Variants in CLVS1 observed in about 807,000 individuals in gnomAD.
The protein encoded by CLVS1 is clavesin-1.
Under a neutral mutation model 33.1 loss-of-function variants are expected in CLVS1, and 10 were observed. That is an observed-to-expected ratio of 0.30 (90% CI 0.19 to 0.51). CLVS1 has a LOEUF of 0.51. CLVS1 is among the 20% of genes least tolerant of loss of function. CLVS1 has a pLI of 0.97. For synonymous variants in CLVS1, 163 were observed against 166.1 expected, an observed-to-expected ratio of 0.98 and a Z score of 0.14; for missense variants, 343 against 433.4, an observed-to-expected ratio of 0.79 and a Z score of 1.85.
intron 2 of CLVS1, among the ~76,000 whole-genome samples, chr8:61,373,538 G>A (rs909487883): frequency 6.6e-6 from 1 of 152,138 alleles, no homozygotes; most frequent in African/African-American, 2.4e-5. Context: ...GAAAAGATGT[G>A]CCAGCTTGTA....
At chr8:60,990,039 C>T in the CLVS1 span, among the ~76,000 whole-genome samples, 42 of 145,516 alleles carry the variant, frequency 2.9e-4, 1 homozygote, top group Admixed American at 7.2e-4. Flanking sequence ...GCAGGAGAAT[C>T]GCTTGAACCC....
intron 2 of CLVS1, among the ~76,000 whole-genome samples, chr8:61,358,333 C>A: frequency 6.6e-6 from 1 of 152,188 alleles, no homozygotes. Flanking sequence ...ACACTGTGTG[C>A]AAACACACAC....
upstream of CLVS1, among the ~76,000 whole-genome samples, chr8:61,283,072 C>A (rs1221784134): frequency 2.6e-5 from 4 of 152,158 alleles, no homozygotes; most frequent in African/African-American, 7.2e-5. Context: ...GAAAACATGT[C>A]TTTACTGTAG....
chr8:61,202,089 G>A (rs1807745335), intron 2 of CLVS1, among the ~76,000 whole-genome samples: 1 of 152,212 alleles, frequency 6.6e-6, no homozygotes, highest in Non-Finnish European at 1.5e-5. Context: ...GGAATGCTGA[G>A]AAAGGTAAAA....
At chr8:61,000,675 G>A in the CLVS1 span, among the ~76,000 whole-genome samples, 1 of 152,176 alleles carries the variant, frequency 6.6e-6, no homozygotes, top group African/African-American at 2.4e-5. Flanking sequence ...AATTTCCAAT[G>A]GTAAATTCCA....
At chr8:61,027,925 C>T in the CLVS1 span, among the ~76,000 whole-genome samples, 8 of 152,098 alleles carry the variant, frequency 5.3e-5, no homozygotes, top group African/African-American at 9.7e-5. Flanking sequence ...ATTGGTGAAT[C>T]GACCACTCTG....
chr8:61,201,166 A>G (rs990126268), intron 2 of CLVS1, among the ~76,000 whole-genome samples: 5 of 152,226 alleles, frequency 3.3e-5, no homozygotes, highest in African/African-American at 4.8e-5. Context: ...AAAGTTTTGT[A>G]ATAGAACCAT....
At chr8:61,088,078 CTATATG>C (rs1256366985) in intron 1 of CLVS1, among the ~76,000 whole-genome samples, 3 of 152,196 alleles carry the variant, frequency 2.0e-5, no homozygotes, top group Non-Finnish European at 4.4e-5. Flanking sequence ...TGACATCAAA[CTATATG>C]TATGCATTTT....
At chr8:61,030,310 G>T in the CLVS1 span, among the ~76,000 whole-genome samples, 26 of 151,724 alleles carry the variant, frequency 1.7e-4, no homozygotes, top group African/African-American at 1.2e-4. Context: ...GCAGCGGGGT[G>T]GGGGGGCGCA....
the CLVS1 span, among the ~76,000 whole-genome samples, chr8:60,965,554 G>A: frequency 6.6e-6 from 1 of 152,122 alleles, no homozygotes; most frequent in Non-Finnish European, 1.5e-5. Flanking sequence ...AGGCACCCCT[G>A]ATGGAGGGCA....
At chr8:61,106,515 T>G (rs1805541740) in intron 1 of CLVS1, among the ~76,000 whole-genome samples, 1 of 152,076 alleles carries the variant, frequency 6.6e-6, no homozygotes, top group Non-Finnish European at 1.5e-5. Flanking sequence ...CAATAAGGTG[T>G]AGGAGGATTA....
At position 61,301,695 on chromosome 8, in the gene CLVS1, A is replaced by G. The variant is rs1404335258; in HGVS notation, c.455+1413A>G. Among the ~76,000 whole-genome samples the G allele has an allele frequency of 3.3e-5, 5 of 152,222 alleles. No homozygotes were observed. In the East Asian group the frequency reaches 9.6e-4, roughly 29 times the overall value. On this transcript the variant is annotated intron_variant, in intron 2 of 5. Transcript: ENST00000325897. ...AAGTTAAGGAGCTCACTCATGTTACACAACTAGTGAATACGGAGTGGGAGT... is the reference window on the plus strand; with the variant it reads ...AAGTTAAGGAGCTCACTCATGTTACGCAACTAGTGAATACGGAGTGGGAGT...
chr8:61,469,493 G>A (rs575126606), intron 5 of CLVS1, among the ~76,000 whole-genome samples: 14 of 152,306 alleles, frequency 9.2e-5, no homozygotes, highest in African/African-American at 3.4e-4. Flanking sequence ...GAAATTTTAG[G>A]CCATGTTTCC....
chr8:61,232,545 G>A (rs2978548), intron 2 of CLVS1, among the ~76,000 whole-genome samples: 100,016 of 152,030 alleles, frequency 0.66, 35,488 homozygotes, highest in East Asian at 0.97. Context: ...TTCCTTTGAG[G>A]GATTCATCTC....
chr8:61,093,376 A>G (rs935382050), intron 1 of CLVS1, among the ~76,000 whole-genome samples: 5 of 152,194 alleles, frequency 3.3e-5, no homozygotes, highest in African/African-American at 9.7e-5. Context: ...TGGCTATAGA[A>G]TTCTTCCTGG....
At chr8:61,242,951 T>C (rs1808728516) in intron 2 of CLVS1, among the ~76,000 whole-genome samples, 1 of 148,944 alleles carries the variant, frequency 6.7e-6, no homozygotes, top group African/African-American at 2.4e-5. Context: ...CTAGTCTAGT[T>C]CATCTCAGAG....
chr8:61,098,763 C>T (rs58464488), intron 1 of CLVS1, among the ~76,000 whole-genome samples: 33,021 of 151,966 alleles, frequency 0.22, 3,944 homozygotes, highest in East Asian at 0.52. Flanking sequence ...CCCAGTCTGC[C>T]TCTCTGAACC....
chr8:61,366,172 T>C (rs1463310637), intron 2 of CLVS1, among the ~76,000 whole-genome samples: 1 of 152,190 alleles, frequency 6.6e-6, no homozygotes, highest in Non-Finnish European at 1.5e-5. Flanking sequence ...TGCTGCTCTC[T>C]ATGGGCCCTG....
At chr8:61,344,672 C>T (rs866211172) in intron 2 of CLVS1, among the ~76,000 whole-genome samples, 5 of 152,030 alleles carry the variant, frequency 3.3e-5, no homozygotes, top group South Asian at 2.1e-4. Context: ...GCAGAGGACC[C>T]GCATATAATG....
Sources: gnomAD v4.1 joint callset for allele counts (sites outside exome capture counted in the v4.1 genomes callset) on GRCh38, gnomAD v4.1.1 for gene constraint, MANE v1.5 for transcripts, NCBI Gene and HGNC (gene_info 2026-07-23, HGNC 2026-07-21) for gene names.